SND1: variants seen among roughly 807,000 people sequenced by gnomAD.
The protein encoded by SND1 is staphylococcal nuclease and tudor domain containing 1.
In SND1, 38 loss-of-function variants were observed where a neutral mutation model predicts 121.7. The observed-to-expected ratio is 0.31, with a 90% CI of 0.24 to 0.41. The LOEUF is 0.41. SND1 is among the 10% of genes least tolerant of loss of function. The pLI, the probability that SND1 is intolerant of heterozygous loss-of-function variation, is 1.00. For synonymous variants in SND1, 401 were observed against 447.4 expected, an observed-to-expected ratio of 0.90 and a Z score of 1.31; for missense variants, 868 against 1,184.6, an observed-to-expected ratio of 0.73 and a Z score of 3.92.
At chr7:127,821,925 A>G (rs951875284) in intron 11 of SND1, among the ~76,000 whole-genome samples, 1 of 152,234 alleles carries the variant, frequency 6.6e-6, no homozygotes, top group African/African-American at 2.4e-5. Context: ...AAATGGGCAG[A>G]CATTTGAATT....
chr7:128,029,523 T>G lies in SND1; in HGVS notation c.1779+38467T>G. ...GGAGGACATAGGGGGAGTCCGACACTTAAGTTCTGCCATCCGACCCTCAGA... is the reference window on the plus strand; with the variant it reads ...GGAGGACATAGGGGGAGTCCGACACGTAAGTTCTGCCATCCGACCCTCAGA... On this transcript the variant is annotated intron_variant, in intron 16 of 23. Transcript: ENST00000354725. This position sits in a 1 kb window ranked among gnomAD's most constrained non-coding sequence, Gnocchi z 4.2. The G allele has an allele frequency of 6.2e-7, 1 of 1,614,034 alleles. No individual in the cohort carries two copies. The highest frequency in any genetic ancestry group is 2.2e-5 in the East Asian group (1 of 44,868).
intron 12 of SND1, among the ~76,000 whole-genome samples, chr7:127,863,334 G>A (rs1210178200): frequency 6.6e-6 from 1 of 152,098 alleles, no homozygotes; most frequent in Non-Finnish European, 1.5e-5. Context: ...CTTAATGGAA[G>A]CATTACAAAT....
chr7:128,009,047 G>A (rs1374311737), intron 16 of SND1, among the ~76,000 whole-genome samples: 1 of 152,050 alleles, frequency 6.6e-6, no homozygotes, highest in African/African-American at 2.4e-5. Context: ...GCATTTTTAT[G>A]GTGCAATGAC....
At chr7:127,943,484 C>T (rs1024110213) in intron 15 of SND1, among the ~76,000 whole-genome samples, 1 of 152,194 alleles carries the variant, frequency 6.6e-6, no homozygotes, top group African/African-American at 2.4e-5. Context: ...TTTGCTGTGC[C>T]CTTCTGTGTC....
At chr7:127,815,768 C>T (rs1396333512) in intron 11 of SND1, among the ~76,000 whole-genome samples, 1 of 152,096 alleles carries the variant, frequency 6.6e-6, no homozygotes, top group Non-Finnish European at 1.5e-5. Flanking sequence ...ATTTGCGGTA[C>T]TTTGTTATGG....
intron 16 of SND1, among the ~76,000 whole-genome samples, chr7:128,059,004 T>C (rs112685085): frequency 3.3e-5 from 5 of 152,258 alleles, no homozygotes; most frequent in African/African-American, 1.2e-4. Context: ...CGTCATCCCG[T>C]GTTTCTCTAA....
Position 127,836,919 on chromosome 7 carries a change from A to G in SND1, c.1243-7405A>G, listed in dbSNP as rs543587800. Reference sequence around the variant, plus strand: ...ACTGAATAGAATATATTTTACATATATAGTACAGACTAAGGGATTTTTCCC... The same window carrying G: ...ACTGAATAGAATATATTTTACATATGTAGTACAGACTAAGGGATTTTTCCC... On this transcript the variant is annotated intron_variant, in intron 11 of 23. Coordinates refer to ENST00000354725, the MANE Select transcript of SND1 (RefSeq NM_014390.4). Among the ~76,000 whole-genome samples, 223 of 152,370 alleles carry G rather than the reference A, an allele frequency of 1.5e-3. 8 individuals carry two copies. The South Asian group carries it at 0.044, about 30-fold the overall frequency.
chr7:128,080,649 G>A (rs1326397428), intron 17 of SND1, among the ~76,000 whole-genome samples: 1 of 152,188 alleles, frequency 6.6e-6, no homozygotes, highest in Non-Finnish European at 1.5e-5. Context: ...AGGTGCGGGT[G>A]TGAGGAGCCC....
At chr7:127,708,439 C>T (rs1317733359) in intron 9 of SND1, among the ~76,000 whole-genome samples, 4 of 151,582 alleles carry the variant, frequency 2.6e-5, no homozygotes, top group African/African-American at 4.9e-5. Context: ...TCCTCCCTTC[C>T]TTCCTGGCTG....
intron 12 of SND1, chr7:127,858,001 C>T: frequency 2.7e-6 from 4 of 1,455,736 alleles, no homozygotes; most frequent in Non-Finnish European, 3.9e-6. Context: ...CTCGGCATCC[C>T]CCGGGTTCTC....
chr7:127,846,346 A>G (rs1799062114), intron 12 of SND1, among the ~76,000 whole-genome samples: 1 of 152,226 alleles, frequency 6.6e-6, no homozygotes, highest in African/African-American at 2.4e-5. Context: ...CTAGATACTT[A>G]AATTGTCTCC....
chr7:127,780,334 A>G (rs1372942913), intron 10 of SND1, among the ~76,000 whole-genome samples: 1 of 152,220 alleles, frequency 6.6e-6, no homozygotes, highest in African/African-American at 2.4e-5. Context: ...ATCTCATGGT[A>G]AGTGGGATCT....
intron 16 of SND1, among the ~76,000 whole-genome samples, chr7:128,071,509 A>G (rs1217660550): frequency 6.6e-6 from 1 of 152,260 alleles, no homozygotes; most frequent in Non-Finnish European, 1.5e-5. Context: ...TAATACTTGT[A>G]CAAACATAGA....
rs543544387 is a variant in SND1, at chr7:128,011,779, T to C, written c.1779+20723T>C. Among the ~76,000 whole-genome samples the C allele has an allele frequency of 3.9e-4, 60 of 152,344 alleles. No individual in the cohort carries two copies. The Middle Eastern group carries it at 0.01, about 26-fold the overall frequency. ...TTGTGGTTATGTAAGAAAATGAACA[T>C]ATTTTTTAGAGATACATATTAAATG... On this transcript the variant is annotated intron_variant, in intron 16 of 23. Transcript: ENST00000354725.
intron 1 of SND1, among the ~76,000 whole-genome samples, chr7:127,660,203 C>G (rs1795284489): frequency 6.6e-6 from 1 of 152,058 alleles, no homozygotes; most frequent in African/African-American, 2.4e-5. Context: ...GGGAGTGTTG[C>G]TTGAGACCCA....
In SND1 at chr7:128,029,406, G is replaced by A. The variant is rs753982427; in HGVS notation, c.1779+38350G>A. 3 of 1,614,224 alleles carry A rather than the reference G, an allele frequency of 1.9e-6. No individual in the cohort carries two copies. In the East Asian group the frequency reaches 6.7e-5, roughly 36 times the overall value. Reference sequence around the variant, plus strand: ...CCCAGTGTCTGAAAGCAGCACGTGGGAAAAGTTCAAGGTGCCGTCGTTGAG... The same window carrying A: ...CCCAGTGTCTGAAAGCAGCACGTGGAAAAAGTTCAAGGTGCCGTCGTTGAG... On this transcript the variant is annotated intron_variant, in intron 16 of 23. Coordinates refer to ENST00000354725, the MANE Select transcript of SND1 (RefSeq NM_014390.4). The surrounding 1 kb of genome is among the most constrained non-coding windows in gnomAD (Gnocchi z 4.2).
chr7:127,754,212 G>A (rs1488098211), intron 10 of SND1, among the ~76,000 whole-genome samples: 5 of 152,144 alleles, frequency 3.3e-5, no homozygotes, highest in African/African-American at 1.2e-4. Context: ...AGTGAAAATA[G>A]GGCTCAGATT....
chr7:127,820,920 G>T (rs541755916), intron 11 of SND1, among the ~76,000 whole-genome samples: 2 of 152,246 alleles, frequency 1.3e-5, no homozygotes, highest in South Asian at 4.1e-4. Context: ...TCTTGTTTCT[G>T]TTCTTCTTCC....
chr7:127,962,817 C>T (rs943708918), intron 15 of SND1, among the ~76,000 whole-genome samples: 1 of 152,178 alleles, frequency 6.6e-6, no homozygotes, highest in African/African-American at 2.4e-5. Context: ...ACAGAGGCTT[C>T]ATCCACTGGA....
Sources: gnomAD v4.1 joint callset for allele counts (sites outside exome capture counted in the v4.1 genomes callset) on GRCh38, gnomAD v4.1.1 for gene constraint, Gnocchi (gnomAD v3.1) non-coding constraint, MANE v1.5 for transcripts, NCBI Gene and HGNC (gene_info 2026-07-23, HGNC 2026-07-21) for gene names.